The following SLC22A3 variants were observed in gnomAD, a reference collection of about 807,000 sequenced individuals.
The protein encoded by SLC22A3 is EMT organic cation transporter 3.
In SLC22A3, 51 loss-of-function variants were observed where a neutral mutation model predicts 59.1. The observed-to-expected ratio is 0.86, with a 90% CI of 0.69 to 1.09. The LOEUF is 1.09. Among genes scored for constraint, SLC22A3 ranks in the 50% least tolerant of loss-of-function variants. The probability of loss-of-function intolerance (pLI) is 0.00; values close to 1 mark genes in which losing one functional copy is unlikely to be tolerated. For missense variants in SLC22A3, 711 were observed against 726.3 expected (o/e 0.98, Z 0.24); for synonymous variants, 325 against 292.0 (o/e 1.11, Z -1.15).
At chr6:160,416,880 T>C (rs571492950) in intron 5 of SLC22A3, among the ~76,000 whole-genome samples, 1 of 152,330 alleles carries the variant, frequency 6.6e-6, no homozygotes, top group African/African-American at 2.4e-5. Flanking sequence ...GTACTGAATT[T>C]GTGTGCTTGT....
At chr6:160,445,713 G>GA (rs1788713650) in intron 9 of SLC22A3, among the ~76,000 whole-genome samples, 1 of 152,202 alleles carries the variant, frequency 6.6e-6, no homozygotes, top group Admixed American at 6.5e-5. Context: ...GGCAAGATGG[G>GA]ATCACTGATG....
At chr6:160,361,317 T>C (rs1785005432) in intron 1 of SLC22A3, among the ~76,000 whole-genome samples, 2 of 152,144 alleles carry the variant, frequency 1.3e-5, no homozygotes, top group African/African-American at 4.8e-5. Context: ...CAGAGAAACA[T>C]GACAAGGTCA....
chr6:160,434,693 T>C (rs1236099296), intron 5 of SLC22A3, among the ~76,000 whole-genome samples: 6 of 152,230 alleles, frequency 3.9e-5, no homozygotes, highest in Admixed American at 3.9e-4. Context: ...TCACTTTTGA[T>C]ATTCCTGTCT....
chr6:160,355,865 C>G (rs1176902735), intron 1 of SLC22A3, among the ~76,000 whole-genome samples: 1 of 152,280 alleles, frequency 6.6e-6, no homozygotes, highest in East Asian at 1.9e-4. Context: ...TCCAGACACA[C>G]CTTCCCCACT....
intron 2 of SLC22A3, among the ~76,000 whole-genome samples, chr6:160,402,014 T>C (rs1027408419): frequency 5.3e-5 from 8 of 151,706 alleles, no homozygotes; most frequent in Non-Finnish European, 8.9e-5. Flanking sequence ...ACAAATACGG[T>C]AGACATTAAT....
At chr6:160,391,928 C>T (rs1205926841) in intron 1 of SLC22A3, among the ~76,000 whole-genome samples, 1 of 152,166 alleles carries the variant, frequency 6.6e-6, no homozygotes, top group Non-Finnish European at 1.5e-5. Context: ...CCTCCTATTT[C>T]GAAGCTTAGC....
chr6:160,445,748 C>T (rs559000350), intron 9 of SLC22A3, among the ~76,000 whole-genome samples: 1 of 152,288 alleles, frequency 6.6e-6, no homozygotes, highest in East Asian at 1.9e-4. Context: ...GCATGGTGAC[C>T]TGAGAAGCCC....
intron 5 of SLC22A3, among the ~76,000 whole-genome samples, chr6:160,411,166 T>C (rs937794217): frequency 6.6e-6 from 1 of 152,182 alleles, no homozygotes; most frequent in African/African-American, 2.4e-5. Flanking sequence ...TTGCACCAAG[T>C]TACTTGAATT....
At chr6:160,379,194 G>C (rs1785706692) in intron 1 of SLC22A3, among the ~76,000 whole-genome samples, 1 of 152,214 alleles carries the variant, frequency 6.6e-6, no homozygotes. Flanking sequence ...TTCCTTGAAA[G>C]GGATAGTGAA....
chr6:160,420,838 C>T (rs146615010), intron 5 of SLC22A3, among the ~76,000 whole-genome samples: 5 of 152,308 alleles, frequency 3.3e-5, no homozygotes, highest in South Asian at 2.1e-4. Context: ...GAAGAAGACA[C>T]GGGATTCCCG....
rs1277632995 is a variant in SLC22A3, at chr6:160,408,816, C to G, written c.752C>G (p.Thr251Ser). The change falls in exon 4 of 11, where the codon ACC becomes AGC. Residue 251 changes from threonine to serine, a missense_variant. Physicochemically the swap from Thr to Ser is moderately conservative, Grantham distance 58. Coordinates refer to ENST00000275300, the MANE Select transcript of SLC22A3 (RefSeq NM_021977.4). ...IVGIVIQMFF[T>S]LGIIILPGIA... ...GGAATCGTGATTCAAATGTTCTTTACCCTTGGAATCATAATTCTCCCTGGA... is the reference window on the plus strand; with the variant it reads ...GGAATCGTGATTCAAATGTTCTTTAGCCTTGGAATCATAATTCTCCCTGGA... 5.0e-6 allele frequency: 8 copies of G among 1,613,546 alleles called. No individual in the cohort carries two copies. The highest frequency in any genetic ancestry group is 6.8e-6 in the Non-Finnish European group (8 of 1,179,780).
intron 1 of SLC22A3, among the ~76,000 whole-genome samples, chr6:160,388,480 T>C (rs1562479800): frequency 6.6e-6 from 1 of 152,212 alleles, no homozygotes; most frequent in Non-Finnish European, 1.5e-5. Context: ...ATGATGCTGT[T>C]GCTGCTAGAC....
chr6:160,368,299 C>T (rs1018092438), intron 1 of SLC22A3, among the ~76,000 whole-genome samples: 2 of 152,144 alleles, frequency 1.3e-5, no homozygotes, highest in African/African-American at 4.8e-5. Context: ...AACCCCACAG[C>T]AGAAGAGTTA....
At position 160,391,349 on chromosome 6, in the gene SLC22A3, C is replaced by CTA. The variant is rs200237122; in HGVS notation, c.430-6618_430-6617dup. Among the ~76,000 whole-genome samples, 235 of 151,886 alleles carry CTA rather than the reference C, an allele frequency of 1.5e-3. 2 individuals are homozygous for CTA. The highest frequency in any genetic ancestry group is 5.1e-3 in the African/African-American group (213 of 41,410). ...ATTTTTTCATTTACCTCAAGTAATT[C>CTA]TATATATATATATTTTATTATCATC... On this transcript the variant is annotated intron_variant, in intron 1 of 10. Coordinates refer to ENST00000275300, the MANE Select transcript of SLC22A3 (RefSeq NM_021977.4).
At chr6:160,363,981 G>A (rs996361246) in intron 1 of SLC22A3, among the ~76,000 whole-genome samples, 9 of 151,504 alleles carry the variant, frequency 5.9e-5, no homozygotes, top group Non-Finnish European at 1.3e-4. Flanking sequence ...AGACAAACTG[G>A]GACAATTGGT....
At chr6:160,412,438 C>A (rs1787295178) in intron 5 of SLC22A3, among the ~76,000 whole-genome samples, 1 of 152,154 alleles carries the variant, frequency 6.6e-6, no homozygotes, top group Non-Finnish European at 1.5e-5. Flanking sequence ...ATTTGGATTT[C>A]TGCCTTCTTC....
intron 1 of SLC22A3, among the ~76,000 whole-genome samples, chr6:160,364,436 C>T (rs1442123553): frequency 6.6e-6 from 1 of 152,216 alleles, no homozygotes; most frequent in African/African-American, 2.4e-5. Context: ...TAGATGGGTG[C>T]AGCGTTGACA....
At chr6:160,414,007 C>G (rs1221864062) in intron 5 of SLC22A3, among the ~76,000 whole-genome samples, 1 of 152,180 alleles carries the variant, frequency 6.6e-6, no homozygotes, top group East Asian at 1.9e-4. Context: ...AGAATTTCCA[C>G]AGTCTAAATT....
chr6:160,367,197 C>G (rs151221378), intron 1 of SLC22A3, among the ~76,000 whole-genome samples: 1 of 152,264 alleles, frequency 6.6e-6, no homozygotes, highest in African/African-American at 2.4e-5. Flanking sequence ...AACTTACAAT[C>G]ATGGTAGAAG....
Sources: allele counts gnomAD v4.1 joint callset (sites outside exome capture counted in the v4.1 genomes callset), GRCh38; gene constraint gnomAD v4.1.1; transcripts MANE v1.5; gene names NCBI Gene and HGNC (gene_info 2026-07-23, HGNC 2026-07-21).